The following PLAG1 variants were observed in gnomAD, a reference collection of about 807,000 sequenced individuals.
PLAG1 encodes zinc finger protein PLAG1.
A neutral mutation model predicts 35.5 loss-of-function variants in PLAG1; 7 were observed. The observed-to-expected ratio is 0.20, with a 90% confidence interval of 0.11 to 0.37. PLAG1 has a LOEUF of 0.37. Ranked by LOEUF, PLAG1 falls within the 10% of genes least tolerant of loss-of-function variation. The pLI is 1.00. For missense variants in PLAG1, 454 were observed against 602.8 expected (o/e 0.75, Z 2.58); for synonymous variants, 229 against 225.4 (o/e 1.02, Z -0.14).
At position 56,167,391 on chromosome 8, in the gene PLAG1, C is replaced by G; in HGVS notation, c.355G>C (p.Glu119Gln). 5 of 1,613,958 alleles carry G rather than the reference C, an allele frequency of 3.1e-6. No homozygotes were observed. Among genetic ancestry groups the G allele is most frequent in the Non-Finnish European group, 4.2e-6 (5 of 1,179,934 alleles). Reference sequence around the variant, plus strand: ...CCACATTCTTCGCACTTAAACGTCTCTTTGTTAGGGTCGTGTGTATGGAGG... The same window carrying G: ...CCACATTCTTCGCACTTAAACGTCTGTTTGTTAGGGTCGTGTGTATGGAGG... The part of the protein sequence containing the change: ...NHLHTHDPNK[E>Q]TFKCEECGKN... Residue 119 changes from glutamate to glutamine, a missense_variant, in exon 5 of 5, where the codon GAG (glutamate) becomes CAG (glutamine). Glu to Gln is a conservative substitution (Grantham distance 29). Around this residue, in one of 4 missense-constraint regions of PLAG1, gnomAD observed 170 missense variants for 226.3 expected, o/e 0.75. Coordinates refer to ENST00000316981, the MANE Select transcript of PLAG1 (RefSeq NM_002655.3). The surrounding 1 kb of genome is among the most constrained non-coding windows in gnomAD (Gnocchi z 5.9).
intron 1 of PLAG1, among the ~76,000 whole-genome samples, chr8:56,188,794 AG>A (rs370167433): frequency 1.2e-3 from 180 of 152,360 alleles, no homozygotes; most frequent in African/African-American, 3.9e-3. Context: ...GCAGGGGAGA[AG>A]GCCACCAATA....
chr8:56,193,317 T>C (rs1164187776), intron 1 of PLAG1, among the ~76,000 whole-genome samples: 1 of 152,224 alleles, frequency 6.6e-6, no homozygotes, highest in Non-Finnish European at 1.5e-5. Flanking sequence ...ATTCATTCTA[T>C]TGTTCTCTGT....
chr8:56,190,629 C>T (rs1812155221), intron 1 of PLAG1, among the ~76,000 whole-genome samples: 1 of 152,040 alleles, frequency 6.6e-6, no homozygotes, highest in African/African-American at 2.4e-5. Context: ...ACAGAGAGGA[C>T]AGTGAGCTGT....
rs780132826 is a variant in PLAG1, at chr8:56,164,305, G to A, written c.*1938C>T. On this transcript the variant is annotated 3_prime_UTR_variant, in exon 5 of 5. Coordinates refer to ENST00000316981, the MANE Select transcript of PLAG1 (RefSeq NM_002655.3). ...CAGAGAGCAACTTTGATTCTATGAAGTGCGGTATGTGTGCATGTGTGTGTG... is the reference window on the plus strand; with the variant it reads ...CAGAGAGCAACTTTGATTCTATGAAATGCGGTATGTGTGCATGTGTGTGTG... 7 of 218,190 alleles carry A rather than the reference G, an allele frequency of 3.2e-5. No individual in the cohort carries two copies. The highest frequency in any genetic ancestry group is 5.5e-5 in the Non-Finnish European group (6 of 108,650). The allele number at this position is 218,190 out of a possible 1,614,324, so 13.5% of individuals were successfully genotyped here.
chr8:56,188,429 A>G (rs1812085779), intron 1 of PLAG1, among the ~76,000 whole-genome samples: 1 of 152,244 alleles, frequency 6.6e-6, no homozygotes, highest in Non-Finnish European at 1.5e-5. Context: ...TATTACGTGT[A>G]TATTTTTCTT....
chr8:56,198,310 T>C (rs1202965766), intron 1 of PLAG1, among the ~76,000 whole-genome samples: 1 of 152,034 alleles, frequency 6.6e-6, no homozygotes, highest in Non-Finnish European at 1.5e-5. Context: ...GAGAAGGACG[T>C]GGCTGTGCAG....
rs1811215314 is a variant in PLAG1 at position 56,162,004 on chromosome 8, A to G, written c.*4239T>C. On this transcript the variant is annotated 3_prime_UTR_variant, in exon 5 of 5. Coordinates refer to ENST00000316981, the MANE Select transcript of PLAG1 (RefSeq NM_002655.3). Reference sequence around the variant, plus strand: ...ACATCATAGAAAGGCCCTAAGTGCAATCTGAGTGTGCCTTCACCAATGCTG... The same window carrying G: ...ACATCATAGAAAGGCCCTAAGTGCAGTCTGAGTGTGCCTTCACCAATGCTG... 4.4e-6 allele frequency: 1 copy of G among 226,806 alleles called. No homozygotes were observed. The highest frequency in any genetic ancestry group is 8.8e-6 in the Non-Finnish European group (1 of 113,832). The allele number at this position is 226,806 out of a possible 1,614,324, so 14.0% of individuals were successfully genotyped here.
At chr8:56,184,724 C>G (rs995534249) in intron 1 of PLAG1, among the ~76,000 whole-genome samples, 1 of 152,128 alleles carries the variant, frequency 6.6e-6, no homozygotes, top group Non-Finnish European at 1.5e-5. Context: ...CGAGTCCAGC[C>G]TGGGCAACAT....
At chr8:56,210,391 A>C in intron 1 of PLAG1, among the ~76,000 whole-genome samples, 1 of 151,418 alleles carries the variant, frequency 6.6e-6, no homozygotes, top group Admixed American at 6.6e-5. Flanking sequence ...GCTTTCATTT[A>C]GCACCCCCTC....
intron 3 of PLAG1, among the ~76,000 whole-genome samples, chr8:56,169,667 G>T (rs189990662): frequency 1.3e-5 from 2 of 152,054 alleles, no homozygotes; most frequent in Non-Finnish European, 2.9e-5. Context: ...TCAGCCTCCC[G>T]AGTAGCTGGG....
At chr8:56,193,314 C>T (rs951110144) in intron 1 of PLAG1, among the ~76,000 whole-genome samples, 1 of 152,166 alleles carries the variant, frequency 6.6e-6, no homozygotes, top group East Asian at 1.9e-4. Flanking sequence ...AGGATTCATT[C>T]TATTGTTCTC....
rs1472699306 is a variant in PLAG1 at position 56,162,538 on chromosome 8, GAATTA to G, written c.*3700_*3704del. 1 of 211,052 alleles carries G rather than the reference GAATTA, an allele frequency of 4.7e-6. No homozygotes were observed. Among genetic ancestry groups the G allele is most frequent in the Admixed American group, 5.9e-5 (1 of 16,992 alleles). The allele number at this position is 211,052 out of a possible 1,614,324, so 13.1% of individuals were successfully genotyped here. A position where few individuals can be genotyped will look rare whatever the true frequency, so the allele number is the denominator to read the frequency against. ...ACATATATATCATCTAATGGCACTT[GAATTA>G]TAATAAGTCTTAAAATAAAAGGCAT... is the stretch of plus-strand genomic sequence containing the variant. On this transcript the variant is annotated 3_prime_UTR_variant, in exon 5 of 5. Coordinates refer to ENST00000316981, the MANE Select transcript of PLAG1 (RefSeq NM_002655.3).
At chr8:56,192,880 GGACA>G (rs1180452720) in intron 1 of PLAG1, among the ~76,000 whole-genome samples, 4 of 152,012 alleles carry the variant, frequency 2.6e-5, no homozygotes, top group South Asian at 2.1e-4. Flanking sequence ...AAACACTACA[GGACA>G]GACAGACAGA....
chr8:56,189,921 G>T (rs1272810379), intron 1 of PLAG1, among the ~76,000 whole-genome samples: 2 of 152,180 alleles, frequency 1.3e-5, no homozygotes, highest in Admixed American at 6.5e-5. Context: ...GCTGCAGAAA[G>T]GCAAGGCTGG....
At chr8:56,190,077 T>A (rs568051975) in intron 1 of PLAG1, among the ~76,000 whole-genome samples, 1 of 152,306 alleles carries the variant, frequency 6.6e-6, no homozygotes, top group South Asian at 2.1e-4. Context: ...CTTGGGTAAA[T>A]GACTTATCTT....
Position 56,168,102 on chromosome 8 carries a change from G to T in PLAG1, c.168C>A (p.His56Gln). The T allele has an allele frequency of 6.2e-7, 1 of 1,612,854 alleles. No individual in the cohort carries two copies. Among genetic ancestry groups the T allele is most frequent in the Non-Finnish European group, 8.5e-7 (1 of 1,178,834 alleles). Reference sequence around the variant, plus strand: ...TGCACTTGTAGGGCCTCTCTCCTGTGTGAGAGTAGGAGTGAACCTTTAATT... The same window carrying T: ...TGCACTTGTAGGGCCTCTCTCCTGTTTGAGAGTAGGAGTGAACCTTTAATT... ...VEKLKVHSYS[H>Q]TGERPYKCIQ... The change falls in exon 4 of 5, where the codon CAC becomes CAA. Residue 56 changes from histidine (H) to glutamine (Q), a missense_variant. Physicochemically the swap from His to Gln is conservative, Grantham distance 24 (BLOSUM62 0). Coordinates refer to ENST00000316981, the MANE Select transcript of PLAG1 (RefSeq NM_002655.3).
chr8:56,203,430 C>T (rs1018494269), intron 1 of PLAG1, among the ~76,000 whole-genome samples: 1 of 151,952 alleles, frequency 6.6e-6, no homozygotes, highest in Non-Finnish European at 1.5e-5. Context: ...GTAATATATG[C>T]CAAATTATTG....
chr8:56,166,122 A>G lies in PLAG1; in HGVS notation c.*121T>C, dbSNP rs1811344858. On this transcript the variant is annotated 3_prime_UTR_variant, in exon 5 of 5. Coordinates refer to ENST00000316981, the MANE Select transcript of PLAG1 (RefSeq NM_002655.3). ...TTTCTATTTTATACTGGCTTAATGA[A>G]AATTTGTATTATACAAAAGCAGAAA... The G allele has an allele frequency of 6.3e-6, 4 of 637,970 alleles. No individual in the cohort carries two copies. The highest frequency in any genetic ancestry group is 1.0e-5 in the Non-Finnish European group (4 of 381,076). The allele number at this position is 637,970 out of a possible 1,614,324, so 39.5% of individuals were successfully genotyped here. A position where few individuals can be genotyped will look rare whatever the true frequency, so the allele number is the denominator to read the frequency against.
At chr8:56,176,876 A>G (rs1161581016) in intron 2 of PLAG1, among the ~76,000 whole-genome samples, 1 of 152,190 alleles carries the variant, frequency 6.6e-6, no homozygotes, top group African/African-American at 2.4e-5. Context: ...GAAGGAACCT[A>G]AATATCTAGA....
Sources: allele counts gnomAD v4.1 joint callset (sites outside exome capture counted in the v4.1 genomes callset), GRCh38; gene constraint gnomAD v4.1.1; regional missense constraint gnomAD v4.1.1; non-coding constraint Gnocchi (gnomAD v3.1); transcripts MANE v1.5; gene names NCBI Gene and HGNC (gene_info 2026-07-23, HGNC 2026-07-21).